TRPM6: variants seen among roughly 807,000 people sequenced by gnomAD.
TRPM6 encodes the protein transient receptor potential cation channel subfamily M member 6, also known as channel kinase 2.
In TRPM6, 111 loss-of-function variants were observed where a neutral mutation model predicts 247.6. The observed-to-expected ratio is 0.45, with a 90% CI of 0.38 to 0.52. The LOEUF is 0.52. Ranked by LOEUF, TRPM6 falls within the 20% of genes least tolerant of loss-of-function variation. The pLI, the probability that TRPM6 is intolerant of heterozygous loss-of-function variation, is 0.00. For missense variants in TRPM6, 2,126 were observed against 2,421.5 expected (o/e 0.88, Z 2.56); for synonymous variants, 892 against 853.8 (o/e 1.04, Z -0.78).
chr9:74,850,513 A>C (rs1204321180), intron 3 of TRPM6, among the ~76,000 whole-genome samples: 1 of 150,782 alleles, frequency 6.6e-6, no homozygotes, highest in Non-Finnish European at 1.5e-5. Context: ...TGAGGTCGGG[A>C]GTTCAAGACC....
At chr9:74,786,680 C>T (rs1441300219) in intron 20 of TRPM6, among the ~76,000 whole-genome samples, 2 of 152,148 alleles carry the variant, frequency 1.3e-5, no homozygotes, top group African/African-American at 2.4e-5. Context: ...GCGGAGCTTG[C>T]AGTGAGCTGA....
intron 1 of TRPM6, among the ~76,000 whole-genome samples, chr9:74,862,466 G>A (rs191613417): frequency 2.0e-5 from 3 of 152,250 alleles, no homozygotes; most frequent in South Asian, 2.1e-4. Context: ...AAGGGAAATG[G>A]TGTGTTGGTC....
Position 74,802,013 on chromosome 9 carries a change from C to T in TRPM6, c.1894G>A (p.Glu632Lys). The T allele has an allele frequency of 1.2e-6, 2 of 1,614,218 alleles. No homozygotes were observed. Among genetic ancestry groups the T allele is most frequent in the Non-Finnish European group, 1.7e-6 (2 of 1,180,032 alleles). Residue 632 changes from glutamate (E) to lysine (K), a missense_variant, in exon 16 of 39, where the codon GAG becomes AAG. Coordinates refer to ENST00000360774, the MANE Select transcript of TRPM6 (RefSeq NM_017662.5). ...ATCACGGCTTTAACCGTGGCCTCCT[C>T]TCCATGCTGCCAGAAGAACATAGCC... ...KMAMFFWQHG[E>K]EATVKAVIAC...
At position 74,752,380 on chromosome 9, in the gene TRPM6, G is replaced by A. The variant is rs530297179; in HGVS notation, c.4907-12C>T. The A allele has an allele frequency of 2.6e-5, 37 of 1,426,572 alleles. No homozygotes were observed. The South Asian group carries it at 3.3e-4, about 13-fold the overall frequency. The allele number at this position is 1,426,572 out of a possible 1,614,324, so 88.4% of individuals were successfully genotyped here. A position where few individuals can be genotyped will look rare whatever the true frequency, so the allele number is the denominator to read the frequency against. ...GTAAGGTTCTACACCTTGTAAAGAG[G>A]AAGAGAAAGATTAGAAAATACATGA... is the stretch of plus-strand genomic sequence containing the variant. On this transcript the variant is annotated splice_polypyrimidine_tract_variant and intron_variant, in intron 28 of 38. Coordinates refer to ENST00000360774, the MANE Select transcript of TRPM6 (RefSeq NM_017662.5).
chr9:74,815,057 T>C (rs764083171), intron 11 of TRPM6, among the ~76,000 whole-genome samples: 5 of 151,884 alleles, frequency 3.3e-5, no homozygotes, highest in Non-Finnish European at 5.9e-5. Flanking sequence ...GATAAGAATA[T>C]TAGAGGAGCA....
rs1223449055 is a variant in TRPM6, at chr9:74,761,792, T to C, written c.4689A>G (p.Ser1563=). ...ICKIKNLSGS[S]EIGQGAWVKA... ...TGACCCATGCTCCCTGCCCTATTTC[T>C]GAAGAGCCTGAAAGATCTGCAAGGA... Residue 1563 remains serine (S), a synonymous_variant, in exon 27 of 39, where the codon TCA becomes TCG. Transcript: ENST00000360774. The C allele has an allele frequency of 6.2e-7, 1 of 1,613,176 alleles. No homozygotes were observed. Among genetic ancestry groups the C allele is most frequent in the South Asian group, 1.1e-5 (1 of 91,052 alleles).
At chr9:74,844,141 T>C (rs1277639085) in intron 3 of TRPM6, among the ~76,000 whole-genome samples, 1 of 152,190 alleles carries the variant, frequency 6.6e-6, no homozygotes, top group Admixed American at 6.5e-5. Flanking sequence ...TTAAGGGACC[T>C]AAAATTTTGG....
intron 1 of TRPM6, chr9:74,887,178 C>G (rs1831558431): frequency 8.5e-7 from 1 of 1,178,614 alleles, no homozygotes; most frequent in Non-Finnish European, 1.1e-6. Flanking sequence ...GTTGCAAGTC[C>G]GGGCGGCGCC....
At chr9:74,738,916 G>A (rs1825775117) in intron 35 of TRPM6, among the ~76,000 whole-genome samples, 1 of 152,158 alleles carries the variant, frequency 6.6e-6, no homozygotes, top group South Asian at 2.1e-4. Context: ...ACTCTGTCCA[G>A]CACCAAATTA....
At chr9:74,803,961 G>T in intron 14 of TRPM6, 75 bp from the exon 15 acceptor site, 1 of 939,280 alleles carries the variant, frequency 1.1e-6, no homozygotes. Flanking sequence ...AACAAAAGGA[G>T]GGGAGATTAT....
chr9:74,790,006 ATGTGTGTGTGTGTG>A (rs71912381), intron 19 of TRPM6, among the ~76,000 whole-genome samples: 3 of 132,816 alleles, frequency 2.3e-5, no homozygotes, highest in Admixed American at 8.5e-5. Flanking sequence ...TGAGAGAAAA[ATGTGTGTGTGTGTG>A]TGTGTGTGTG....
chr9:74,858,558 T>C, intron 2 of TRPM6, 111 bp downstream of exon 2: 1 of 651,000 alleles, frequency 1.5e-6, no homozygotes, highest in Admixed American at 3.1e-5. Flanking sequence ...TTGAAAATTC[T>C]AACTTTATAG....
At chr9:74,784,027 G>A (rs1272173492) in intron 21 of TRPM6, among the ~76,000 whole-genome samples, 1 of 152,102 alleles carries the variant, frequency 6.6e-6, no homozygotes, top group East Asian at 1.9e-4. Flanking sequence ...AGGCCGAGGC[G>A]AGCGGATCAC....
At chr9:74,848,186 T>C (rs1272648448) in intron 3 of TRPM6, among the ~76,000 whole-genome samples, 1 of 152,218 alleles carries the variant, frequency 6.6e-6, no homozygotes, top group African/African-American at 2.4e-5. Context: ...ATTCTTAGCT[T>C]ATTAAGCTGA....
At chr9:74,799,982 C>T (rs1828254649) in intron 17 of TRPM6, 2 of 471,568 alleles carry the variant, frequency 4.2e-6, no homozygotes, top group Non-Finnish European at 7.9e-6. Flanking sequence ...GGCAGGTGTC[C>T]CCTTCCTCCC....
At chr9:74,827,386 T>A (rs1310624510) in intron 7 of TRPM6, among the ~76,000 whole-genome samples, 1 of 152,080 alleles carries the variant, frequency 6.6e-6, no homozygotes, top group African/African-American at 2.4e-5. Context: ...GTTAACTTAA[T>A]CCCTCTGGCT....
At chr9:74,876,146 T>G (rs1398130074) in intron 1 of TRPM6, among the ~76,000 whole-genome samples, 1 of 152,214 alleles carries the variant, frequency 6.6e-6, no homozygotes, top group Non-Finnish European at 1.5e-5. Context: ...TGCAATGGCA[T>G]GATCACAGCT....
chr9:74,808,235 A>G, intron 13 of TRPM6, 61 bp from the exon 14 acceptor site: 1 of 1,601,752 alleles, frequency 6.2e-7, no homozygotes, highest in Non-Finnish European at 8.6e-7. Context: ...TTCTCTTGCC[A>G]TGCCATTAGA....
intron 2 of TRPM6, among the ~76,000 whole-genome samples, chr9:74,857,448 T>G (rs1183239164): frequency 6.6e-6 from 1 of 152,222 alleles, no homozygotes; most frequent in Admixed American, 6.5e-5. Flanking sequence ...ATTACTCTTC[T>G]ATTTTCCTTT....
Sources: allele counts gnomAD v4.1 joint callset (sites outside exome capture counted in the v4.1 genomes callset), GRCh38; gene constraint gnomAD v4.1.1; transcripts MANE v1.5; gene names NCBI Gene and HGNC (gene_info 2026-07-23, HGNC 2026-07-21).